The following HMCN2 variants were observed in gnomAD, a reference collection of about 807,000 sequenced individuals.
The protein encoded by HMCN2 is hemicentin-2.
Under a neutral mutation model 377.5 loss-of-function variants are expected in HMCN2, and 325 were observed. The observed-to-expected ratio is 0.86, with a 90% CI of 0.79 to 0.94. The LOEUF (loss-of-function observed/expected upper bound fraction) is 0.94. Ranked by LOEUF, HMCN2 falls within the 40% of genes least tolerant of loss-of-function variation. The pLI, the probability that HMCN2 is intolerant of heterozygous loss-of-function variation, is 0.00. For missense variants in HMCN2, 4,543 were observed against 4,725.3 expected (o/e 0.96, Z 1.13); for synonymous variants, 2,007 against 2,046.8 (o/e 0.98, Z 0.53).
chr9:130,290,575 G>A (rs1233326460), intron 4 of HMCN2, among the ~76,000 whole-genome samples: 1 of 152,158 alleles, frequency 6.6e-6, no homozygotes, highest in Non-Finnish European at 1.5e-5. Context: ...TGTTGGAGGA[G>A]TTGCCTCACA....
chr9:130,428,986 C>T lies in HMCN2; in HGVS notation c.14197+497C>T, dbSNP rs780875876. On this transcript the variant is annotated intron_variant, in intron 93 of 97. Transcript: ENST00000683500. The surrounding 1 kb of genome is among the most constrained non-coding windows in gnomAD (Gnocchi z 5.0). ...CTCTAACAGTCTATGGCTGTAGGAC[C>T]GTGGGTCCACCCGGCTCCTCTGAGA... 5.9e-5 allele frequency among the ~76,000 whole-genome samples: 9 copies of T among 152,204 alleles called. No homozygotes were observed. Among genetic ancestry groups the T allele is most frequent in the Admixed American group, 2.0e-4 (3 of 15,286 alleles).
At chr9:130,283,391 G>A (rs892159384) in intron 1 of HMCN2, among the ~76,000 whole-genome samples, 47 of 151,984 alleles carry the variant, frequency 3.1e-4, no homozygotes, top group East Asian at 5.8e-4. Context: ...CGTCATTCTC[G>A]TCTTGTCTGT....
At chr9:130,344,787 G>A (rs1389864852) in intron 25 of HMCN2, among the ~76,000 whole-genome samples, 2 of 149,314 alleles carry the variant, frequency 1.3e-5, no homozygotes, top group African/African-American at 4.9e-5. Context: ...TTGTGTGTAT[G>A]GTGTGTAGCA....
rs1840379523 is a variant in HMCN2 at position 130,361,418 on chromosome 9, T to G, written c.5951-590T>G. On this transcript the variant is annotated intron_variant, in intron 38 of 97. Coordinates refer to ENST00000683500, the MANE Select transcript of HMCN2 (RefSeq NM_001291815.2). The surrounding 1 kb of genome is among the most constrained non-coding windows in gnomAD (Gnocchi z 4.8). ...GAAACTGAAAGGAGGCCACGGGGCC[T>G]GGGATTTACAACACTGAGAAGAGGG... 6.6e-6 allele frequency among the ~76,000 whole-genome samples: 1 copy of G among 152,162 alleles called. No homozygotes were observed. Among genetic ancestry groups the G allele is most frequent in the Non-Finnish European group, 1.5e-5 (1 of 68,030 alleles).
chr9:130,269,918 C>G (rs1834325517), intron 1 of HMCN2, among the ~76,000 whole-genome samples: 1 of 148,298 alleles, frequency 6.7e-6, no homozygotes, highest in African/African-American at 2.4e-5. Context: ...TCAAGTGATT[C>G]TCCTGCCTCA....
At chr9:130,398,785 C>T in intron 75 of HMCN2, 78 bp downstream of exon 75, 1 of 1,154,854 alleles carries the variant, frequency 8.7e-7, no homozygotes, top group Non-Finnish European at 1.1e-6. Context: ...GGGCATGGGG[C>T]AGGGACGGGG....
chr9:130,425,966 A>T, intron 90 of HMCN2, 42 bp downstream of exon 90: 1 of 1,441,436 alleles, frequency 6.9e-7, no homozygotes, highest in East Asian at 2.5e-5. Context: ...TGCCCCAGCT[A>T]AAACCTGCCA....
At position 130,364,779 on chromosome 9, in the gene HMCN2, G is replaced by T; in HGVS notation, c.6298G>T (p.Glu2100Ter). 1 of 985,944 alleles carries T rather than the reference G, an allele frequency of 1.0e-6. No individual in the cohort carries two copies. The highest frequency in any genetic ancestry group is 4.7e-5 in the South Asian group (1 of 21,286). 61.1% of individuals were successfully genotyped at this position (985,944 alleles called of 1,614,324 possible). Residue 2100 changes from glutamate (E) to a stop codon, truncating the protein, a stop_gained, in exon 41 of 98, where the codon GAG (glutamate) becomes TAG (stop). Coordinates refer to ENST00000683500, the MANE Select transcript of HMCN2 (RefSeq NM_001291815.2). LOFTEE classifies it high-confidence loss of function. ...TGTGGCCAATGAGTCAGTGGCCCTGGAGTGCCAGAGCCACGCCATGCCCCC... is the reference window on the plus strand; with the variant it reads ...TGTGGCCAATGAGTCAGTGGCCCTGTAGTGCCAGAGCCACGCCATGCCCCC... ...SVVANESVAL[E>*]CQSHAMPPPV...
intron 36 of HMCN2, among the ~76,000 whole-genome samples, chr9:130,358,764 G>C (rs1588304270): frequency 6.6e-6 from 1 of 151,770 alleles, no homozygotes; most frequent in Non-Finnish European, 1.5e-5. Context: ...AGCTCCGCCT[G>C]CCGGGTTCAC....
At chr9:130,412,150 T>TTAG (rs780008303) in intron 85 of HMCN2, among the ~76,000 whole-genome samples, 26 of 152,196 alleles carry the variant, frequency 1.7e-4, no homozygotes, top group Non-Finnish European at 2.9e-4. Flanking sequence ...TTTTGTATTT[T>TTAG]TAGTAGAAAC....
intron 25 of HMCN2, among the ~76,000 whole-genome samples, chr9:130,342,764 A>G (rs2131483391): frequency 6.6e-6 from 1 of 152,214 alleles, no homozygotes; most frequent in South Asian, 2.1e-4. Context: ...GCCAGGGCTG[A>G]GGCAGCCCGG....
chr9:130,371,935 C>T (rs1163120951), intron 46 of HMCN2, among the ~76,000 whole-genome samples: 1 of 152,194 alleles, frequency 6.6e-6, no homozygotes, highest in African/African-American at 2.4e-5. Flanking sequence ...GGAGGAGAAG[C>T]CCTTTTACCA....
chr9:130,388,681 C>A (rs528669064), intron 62 of HMCN2, 141 bp downstream of exon 62: 8 of 382,080 alleles, frequency 2.1e-5, no homozygotes, highest in Non-Finnish European at 2.9e-5. Context: ...TGCCCCCCCC[C>A]CCACCATTTG....
In HMCN2 at chr9:130,352,934, C is replaced by T; in HGVS notation, c.4593C>T (p.Pro1531=). The T allele has an allele frequency of 3.1e-6, 4 of 1,279,842 alleles. No individual in the cohort carries two copies. The South Asian group carries it at 5.2e-5, about 17-fold the overall frequency. The allele number at this position is 1,279,842 out of a possible 1,614,324, so 79.3% of individuals were successfully genotyped here. ...CACCTCTTTCCTTCTCAGCGCCCCC[C>T]ACTATCTGGGGCTCCAACGAGACAG... ...RDFQLRVHAP[P]TIWGSNETGE... The change falls in exon 31 of 98, where the codon CCC becomes CCT. Residue 1531 remains proline (P), a synonymous_variant. Transcript: ENST00000683500.
Position 130,351,419 on chromosome 9 carries a change from C to T in HMCN2, c.4431-4C>T. On this transcript the variant is annotated splice_polypyrimidine_tract_variant and splice_region_variant and intron_variant, in intron 29 of 97. Transcript: ENST00000683500. The surrounding 1 kb of genome is among the most constrained non-coding windows in gnomAD (Gnocchi z 5.4). ...TGGCGCTTTTCCCTTGCCCGTCTCT[C>T]CAGGCCTGTCCTTCCGGGAGGCCCT... 1.5e-6 allele frequency: 2 copies of T among 1,303,752 alleles called. No homozygotes were observed. The highest frequency in any genetic ancestry group is 2.0e-6 in the Non-Finnish European group (2 of 988,618). The allele number at this position is 1,303,752 out of a possible 1,614,324, so 80.8% of individuals were successfully genotyped here.
intron 40 of HMCN2, 129 bp from the exon 41 acceptor site, chr9:130,364,585 G>A (rs556741032): frequency 8.1e-6 from 2 of 246,966 alleles, no homozygotes; most frequent in Admixed American, 6.5e-5. Context: ...TCCGAAGCAG[G>A]ACTGAAGGCA....
chr9:130,273,741 G>T (rs567388624), intron 1 of HMCN2, among the ~76,000 whole-genome samples: 3 of 152,058 alleles, frequency 2.0e-5, no homozygotes, highest in African/African-American at 7.2e-5. Flanking sequence ...CAGGTGATTC[G>T]CCTGCCTCAG....
In HMCN2 at chr9:130,381,994, G is replaced by A. The variant is rs1181395140; in HGVS notation, c.8432-190G>A. 7.9e-5 allele frequency among the ~76,000 whole-genome samples: 12 copies of A among 152,286 alleles called. 2 individuals carry two copies. The highest frequency in any genetic ancestry group is 6.8e-3 in the Middle Eastern group (2 of 294). On this transcript the variant is annotated intron_variant, in intron 54 of 97. Coordinates refer to ENST00000683500, the MANE Select transcript of HMCN2 (RefSeq NM_001291815.2). ...CAGCCCAGGGCCTGGCACGCAGCGA[G>A]TGGTGGCTGTACCCTGACTTGACTC...
At chr9:130,358,137 C>T in intron 35 of HMCN2, 149 bp downstream of exon 35, 3 of 740,182 alleles carry the variant, frequency 4.1e-6, no homozygotes, top group Non-Finnish European at 5.7e-6. Flanking sequence ...TGAGCCTCAG[C>T]CTCTTCCGGG....
Sources: gnomAD v4.1 joint callset for allele counts (sites outside exome capture counted in the v4.1 genomes callset) on GRCh38, gnomAD v4.1.1 for gene constraint, Gnocchi (gnomAD v3.1) non-coding constraint, MANE v1.5 for transcripts, NCBI Gene and HGNC (gene_info 2026-07-23, HGNC 2026-07-21) for gene names.